CGRRF1: variants seen among roughly 807,000 people sequenced by gnomAD.
The protein encoded by CGRRF1 is cell growth regulator with RING finger domain protein 1.
In CGRRF1, 32 loss-of-function variants were observed where a neutral mutation model predicts 37.2. That is an observed-to-expected ratio of 0.86 (90% CI 0.65 to 1.16). The LOEUF (loss-of-function observed/expected upper bound fraction) is 1.16, where lower values mean the gene tolerates loss of function less well. Ranked by LOEUF, CGRRF1 falls within the 50% of genes most tolerant of loss-of-function variation. The probability of loss-of-function intolerance (pLI) is 0.00; values close to 1 mark genes in which losing one functional copy is unlikely to be tolerated. For missense variants in CGRRF1, 391 were observed against 382.6 expected, an observed-to-expected ratio of 1.02 and a Z score of -0.18; for synonymous variants, 141 against 140.3, an observed-to-expected ratio of 1.00 and a Z score of -0.04.
At chr14:54,512,294 A>G (rs1174587987) in intron 1 of CGRRF1, among the ~76,000 whole-genome samples, 1 of 152,236 alleles carries the variant, frequency 6.6e-6, no homozygotes, top group Non-Finnish European at 1.5e-5. Flanking sequence ...AAACAGGAGC[A>G]TATGATTATT....
At chr14:54,513,398 GAGAT>G (rs2140053111) in intron 1 of CGRRF1, among the ~76,000 whole-genome samples, 1 of 152,344 alleles carries the variant, frequency 6.6e-6, no homozygotes, top group African/African-American at 2.4e-5. Flanking sequence ...AGTGAGAAGT[GAGAT>G]AGGTGCTTCT....
intron 2 of CGRRF1, among the ~76,000 whole-genome samples, chr14:54,526,519 C>T (rs375219659): frequency 3.9e-4 from 59 of 151,126 alleles, no homozygotes; most frequent in African/African-American, 1.3e-3. Flanking sequence ...TCATTTAGTT[C>T]TGTTTACTAG....
intron 3 of CGRRF1, 26 bp from the exon 4 acceptor site, chr14:54,530,877 C>A (rs1566512022): frequency 6.5e-7 from 1 of 1,528,844 alleles, no homozygotes; most frequent in African/African-American, 1.4e-5. Context: ...GTTATAGTGG[C>A]AATTTACCTT....
Position 54,531,039 on chromosome 14 carries a change from A to T in CGRRF1, c.559A>T (p.Ile187Phe), listed in dbSNP as rs965893524. Reference protein sequence around the residue: ...LTLADEDDREIYDIISMVSVI... With the variant: ...LTLADEDDREFYDIISMVSVI... ...CTTAGCTGATGAGGATGACCGGGAA[A>T]TTTATGATATTGTAAGTAATTGAAA... Residue 187 changes from isoleucine to phenylalanine, a missense_variant, in exon 4 of 6, where the codon ATT (isoleucine) becomes TTT (phenylalanine). By Grantham distance (21) the Ile-to-Phe change is conservative. Coordinates refer to ENST00000216420, the MANE Select transcript of CGRRF1 (RefSeq NM_006568.3). 1 of 1,608,462 alleles carries T rather than the reference A, an allele frequency of 6.2e-7. No homozygotes were observed. Among genetic ancestry groups the T allele is most frequent in the Non-Finnish European group, 8.5e-7 (1 of 1,177,866 alleles).
chr14:54,510,148 G>A (rs960524741), intron 1 of CGRRF1, 85 bp downstream of exon 1: 88 of 979,678 alleles, frequency 9.0e-5, no homozygotes, highest in Non-Finnish European at 1.3e-4. Flanking sequence ...CGGAGCCGGA[G>A]GGCCGCGGGC....
chr14:54,515,938 T>G (rs1159011069), intron 1 of CGRRF1, among the ~76,000 whole-genome samples: 1 of 152,188 alleles, frequency 6.6e-6, no homozygotes, highest in African/African-American at 2.4e-5. Context: ...ATTGTTAGAT[T>G]TAATTCCACC....
intron 1 of CGRRF1, among the ~76,000 whole-genome samples, chr14:54,512,793 T>G (rs1256481192): frequency 6.6e-6 from 1 of 152,220 alleles, no homozygotes; most frequent in East Asian, 1.9e-4. Context: ...CTTATGCACT[T>G]CCTTAAAGAT....
intron 2 of CGRRF1, 136 bp from the exon 3 acceptor site, chr14:54,529,912 GC>G: frequency 1.7e-6 from 1 of 583,102 alleles, no homozygotes; most frequent in South Asian, 2.9e-5. Context: ...TTTATAGGAG[GC>G]ATACCCTTTA....
chr14:54,529,919 C>G, intron 2 of CGRRF1, 130 bp from the exon 3 acceptor site: 1 of 636,426 alleles, frequency 1.6e-6, no homozygotes, highest in South Asian at 2.5e-5. Context: ...GAGGCATACC[C>G]TTTAACAAGT....
At chr14:54,510,959 ACT>A (rs1334230618) in intron 1 of CGRRF1, among the ~76,000 whole-genome samples, 1 of 152,172 alleles carries the variant, frequency 6.6e-6, no homozygotes, top group African/African-American at 2.4e-5. Flanking sequence ...GTCAGAGGGG[ACT>A]CTGTTGAAGA....
At position 54,530,040 on chromosome 14, in the gene CGRRF1, T is replaced by C; in HGVS notation, c.245-9T>C. The C allele has an allele frequency of 6.3e-7, 1 of 1,597,810 alleles. No homozygotes were observed. The highest frequency in any genetic ancestry group is 1.7e-4 in the Middle Eastern group (1 of 6,018). ...ATCACTTTCATTCTTTCTCCTTTGT[T>C]TTTTACAGCTGGCATAACCTTGACA... On this transcript the variant is annotated splice_polypyrimidine_tract_variant and intron_variant, in intron 2 of 5. Transcript: ENST00000216420.
At chr14:54,533,681 T>C (rs1394102534) in intron 4 of CGRRF1, among the ~76,000 whole-genome samples, 1 of 152,056 alleles carries the variant, frequency 6.6e-6, no homozygotes, top group East Asian at 1.9e-4. Context: ...AAGAATTATA[T>C]TTAGGTAGTA....
At chr14:54,510,304 T>C in intron 1 of CGRRF1, 2 of 539,170 alleles carry the variant, frequency 3.7e-6, no homozygotes, top group East Asian at 3.3e-5. Context: ...TGGTACCGCA[T>C]TGGGGTGTTT....
intron 1 of CGRRF1, among the ~76,000 whole-genome samples, chr14:54,520,606 C>T (rs1487913064): frequency 2.0e-5 from 3 of 152,184 alleles, no homozygotes; most frequent in Non-Finnish European, 4.4e-5. Context: ...TTTATTTCTA[C>T]CATAAATTTG....
chr14:54,526,842 T>C (rs1396585006), intron 2 of CGRRF1, among the ~76,000 whole-genome samples: 1 of 152,224 alleles, frequency 6.6e-6, no homozygotes, highest in Non-Finnish European at 1.5e-5. Context: ...CTCCCAATAC[T>C]CTGGCTTTAT....
chr14:54,510,977 A>G (rs2032120299), intron 1 of CGRRF1, among the ~76,000 whole-genome samples: 1 of 152,266 alleles, frequency 6.6e-6, no homozygotes, highest in African/African-American at 2.4e-5. Flanking sequence ...GAAGAGGGAC[A>G]TGAGCTGGAT....
intron 2 of CGRRF1, among the ~76,000 whole-genome samples, chr14:54,528,282 G>A (rs958934233): frequency 1.4e-5 from 2 of 148,012 alleles, no homozygotes; most frequent in Non-Finnish European, 3.0e-5. Context: ...GCACGATCTC[G>A]GCTCACTGTA....
rs771671316 is a variant in CGRRF1 at position 54,509,912 on chromosome 14, GGCTGGGCTCCGCGGCTGGA to G, written c.-45_-27del. The G allele has an allele frequency of 7.4e-5, 106 of 1,438,956 alleles. No homozygotes were observed. The East Asian group carries it at 2.3e-3, about 32-fold the overall frequency. The allele number at this position is 1,438,956 out of a possible 1,614,324, so 89.1% of individuals were successfully genotyped here. On this transcript the variant is annotated 5_prime_UTR_variant, in exon 1 of 6. Transcript: ENST00000216420. Reference sequence around the variant, plus strand: ...GGGCGGGCGGGGCTCAGCCGGGCTGGGCTGGGCTCCGCGGCTGGAGCCGGGCTCTACCCAGAGCAAGACC... The same window carrying G: ...GGGCGGGCGGGGCTCAGCCGGGCTGGGCCGGGCTCTACCCAGAGCAAGACC...
intron 1 of CGRRF1, among the ~76,000 whole-genome samples, chr14:54,521,977 C>G (rs1269593597): frequency 6.6e-6 from 1 of 152,166 alleles, no homozygotes; most frequent in Non-Finnish European, 1.5e-5. Context: ...TGTGTTGATT[C>G]AGCCAGCTGA....
Sources: allele counts gnomAD v4.1 joint callset (sites outside exome capture counted in the v4.1 genomes callset), GRCh38; gene constraint gnomAD v4.1.1; transcripts MANE v1.5; gene names NCBI Gene and HGNC (gene_info 2026-07-23, HGNC 2026-07-21).